SPEG: variants seen among roughly 807,000 people sequenced by gnomAD.
The protein encoded by SPEG is striated muscle preferentially expressed protein kinase.
A neutral mutation model predicts 300.4 loss-of-function variants in SPEG; 114 were observed. That is an observed-to-expected ratio of 0.38 (90% CI 0.33 to 0.44). The LOEUF (loss-of-function observed/expected upper bound fraction) is 0.44. SPEG is among the 20% of genes least tolerant of loss of function. The pLI, the probability that SPEG is intolerant of heterozygous loss-of-function variation, is 1.00. For missense variants in SPEG, 4,201 were observed against 4,586.2 expected (o/e 0.92, Z 2.43); for synonymous variants, 1,964 against 2,018.9 (o/e 0.97, Z 0.73).
At chr2:219,449,894 A>G (rs1689614417) in intron 4 of SPEG, among the ~76,000 whole-genome samples, 1 of 151,788 alleles carries the variant, frequency 6.6e-6, no homozygotes, top group Admixed American at 6.6e-5. Flanking sequence ...TTGTCTCCCA[A>G]CCTTCCCATG....
Position 219,479,052 on chromosome 2 carries a change from G to A in SPEG, c.5028-92G>A. 1.4e-5 allele frequency: 16 copies of A among 1,126,542 alleles called. No individual in the cohort carries two copies. Among genetic ancestry groups the A allele is most frequent in the Non-Finnish European group, 2.1e-5 (16 of 753,816 alleles). The allele number at this position is 1,126,542 out of a possible 1,614,324, so 69.8% of individuals were successfully genotyped here. On this transcript the variant is annotated intron_variant, in intron 22 of 40. Coordinates refer to ENST00000312358, the MANE Select transcript of SPEG (RefSeq NM_005876.5). The surrounding 1 kb of genome is among the most constrained non-coding windows in gnomAD (Gnocchi z 5.5). ...GTATCAAGCATTCTGTAAGGGGAAG[G>A]AGAACCCCGTGCTGAGCTGGGACCT...
Position 219,464,718 on chromosome 2 carries a change from T to A in SPEG, c.2881+110T>A. The A allele has an allele frequency of 8.6e-7, 1 of 1,159,856 alleles. No individual in the cohort carries two copies. Among genetic ancestry groups the A allele is most frequent in the Non-Finnish European group, 1.2e-6 (1 of 814,766 alleles). 71.8% of individuals were successfully genotyped at this position (1,159,856 alleles called of 1,614,324 possible). ...GAGGATGCCACCACTGAAAGGGCCTTAAGGGGCCCCTAGTCCAGCTGCTTA... is the reference window on the plus strand; with the variant it reads ...GAGGATGCCACCACTGAAAGGGCCTAAAGGGGCCCCTAGTCCAGCTGCTTA... On this transcript the variant is annotated intron_variant, in intron 9 of 40. Coordinates refer to ENST00000312358, the MANE Select transcript of SPEG (RefSeq NM_005876.5). The surrounding 1 kb of genome is among the most constrained non-coding windows in gnomAD (Gnocchi z 4.5).
At chr2:219,460,609 C>CCCG in intron 6 of SPEG, 1 of 985,458 alleles carries the variant, frequency 1.0e-6, no homozygotes, top group South Asian at 4.7e-5. Context: ...AAAGGCAGAT[C>CCCG]CCGCGGCTTG....
rs566841339 is a variant in SPEG, at chr2:219,489,128, G to A, written c.8224G>A (p.Val2742Met). The change falls in exon 35 of 41, where the codon GTG (valine) becomes ATG (methionine). Residue 2742 changes from valine to methionine, a missense_variant. Coordinates refer to ENST00000312358, the MANE Select transcript of SPEG (RefSeq NM_005876.5). ...CAACGTGACCCACCTGCCAGTTGGC[G>A]TGACTGTGAGGTTCCGTGTGGCCTG... is the stretch of plus-strand genomic sequence containing the variant. ...YYNVTHLPVG[V>M]TVRFRVACAN... The A allele has an allele frequency of 3.1e-5, 50 of 1,613,982 alleles. No homozygotes were observed. Among genetic ancestry groups the A allele is most frequent in the African/African-American group, 6.7e-5 (5 of 74,990 alleles).
intron 13 of SPEG, among the ~76,000 whole-genome samples, chr2:219,469,870 C>T (rs1260718204): frequency 1.3e-5 from 2 of 152,138 alleles, no homozygotes. Flanking sequence ...CAGTGTCTGG[C>T]ATGGAAGGGA....
chr2:219,483,345 G>T lies in SPEG; in HGVS notation c.5882G>T (p.Gly1961Val). ...ATTCCCACTGAGGATGAGGCCCTGG[G>T]GACCCCAGAGACTGGGGCTGCCACC... ...TDIPTEDEAL[G>V]TPETGAATPM... The change falls in exon 30 of 41, where the codon GGG becomes GTG. Residue 1961 changes from glycine (G) to valine (V), a missense_variant. Transcript: ENST00000312358. 1 of 1,605,278 alleles carries T rather than the reference G, an allele frequency of 6.2e-7. No homozygotes were observed.
chr2:219,491,081 A>G (rs1575204523), intron 38 of SPEG, 125 bp downstream of exon 38: 2 of 714,832 alleles, frequency 2.8e-6, no homozygotes, highest in Non-Finnish European at 2.3e-6. Context: ...CAAGCAATGA[A>G]CGAAGTATGT....
At chr2:219,472,391 G>A in intron 15 of SPEG, 60 bp downstream of exon 15, 1 of 1,455,594 alleles carries the variant, frequency 6.9e-7, no homozygotes. Context: ...GCAGGCTCAG[G>A]CAGGACACCA....
chr2:219,457,097 C>T (rs1690250497), intron 6 of SPEG, among the ~76,000 whole-genome samples: 1 of 152,202 alleles, frequency 6.6e-6, no homozygotes, highest in African/African-American at 2.4e-5. Context: ...TGCCCACCTC[C>T]TGGCCAGCCG....
chr2:219,477,468 G>T lies in SPEG; in HGVS notation c.4729+23G>T. On this transcript the variant is annotated intron_variant, in intron 20 of 40. Coordinates refer to ENST00000312358, the MANE Select transcript of SPEG (RefSeq NM_005876.5). This position sits in a 1 kb window ranked among gnomAD's most constrained non-coding sequence, Gnocchi z 6.4. ...CAGGTAGGCAGGAGTTCCGGAGAAA[G>T]GTAAAGCGCACACCCCCTGGAATCT... The T allele has an allele frequency of 6.4e-7, 1 of 1,551,534 alleles. No homozygotes were observed. Among genetic ancestry groups the T allele is most frequent in the South Asian group, 1.2e-5 (1 of 83,242 alleles).
intron 31 of SPEG, 143 bp from the exon 32 acceptor site, chr2:219,488,051 T>C (rs1244072687): frequency 9.4e-6 from 6 of 636,748 alleles, no homozygotes; most frequent in Non-Finnish European, 1.4e-5. Flanking sequence ...TGGCGTGGGG[T>C]TCCACTTTCC....
chr2:219,490,458 A>C lies in SPEG; in HGVS notation c.8971A>C (p.Thr2991Pro). 6.2e-7 allele frequency: 1 copy of C among 1,613,106 alleles called. No individual in the cohort carries two copies. Residue 2991 changes from threonine (T) to proline (P), a missense_variant, in exon 37 of 41, where the codon ACG (threonine) becomes CCG (proline). Thr to Pro is a conservative substitution (Grantham distance 38, BLOSUM62 -1). Transcript: ENST00000312358. ...GTGCCGGGAGAATGCCACGGGGCGA[A>C]CGTTCGTGGCCAAGATCGTGCCCTA... Reference protein sequence around the residue: ...RACRENATGRTFVAKIVPYAA... With the variant: ...RACRENATGRPFVAKIVPYAA...
rs557290651 is a variant in SPEG at position 219,453,177 on chromosome 2, G to C, written c.2440+1370G>C. Among the ~76,000 whole-genome samples, 8 of 152,342 alleles carry C rather than the reference G, an allele frequency of 5.3e-5. No individual in the cohort carries two copies. The East Asian group carries it at 1.5e-3, about 29-fold the overall frequency. Reference sequence around the variant, plus strand: ...TACCTGGCTTGGGCTGAAATTTGGCGAGGGGTGGGATGGGGGTGCCCCGAT... The same window carrying C: ...TACCTGGCTTGGGCTGAAATTTGGCCAGGGGTGGGATGGGGGTGCCCCGAT... On this transcript the variant is annotated intron_variant, in intron 6 of 40. Transcript: ENST00000312358.
At chr2:219,456,028 G>C (rs1334507793) in intron 6 of SPEG, among the ~76,000 whole-genome samples, 1 of 152,200 alleles carries the variant, frequency 6.6e-6, no homozygotes, top group Non-Finnish European at 1.5e-5. Flanking sequence ...AGCTGGTCAT[G>C]GTTTTCTTGG....
rs758287829 is a variant in SPEG at position 219,489,775 on chromosome 2, G to A, written c.8757G>A (p.Glu2919=). 7 of 1,613,482 alleles carry A rather than the reference G, an allele frequency of 4.3e-6. No homozygotes were observed. In the Admixed American group the frequency reaches 8.3e-5, roughly 19 times the overall value. ...CAGCCCCTGAGCCCCCAGCCCCTGAGCCCCCTCCTGAGCCTACCAAGGTGA... is the reference window on the plus strand; with the variant it reads ...CAGCCCCTGAGCCCCCAGCCCCTGAACCCCCTCCTGAGCCTACCAAGGTGA... ...APPAPEPPAP[E]PPPEPTKVTV... Residue 2919 remains glutamate (E), a synonymous_variant, in exon 36 of 41, where the codon GAG becomes GAA. Transcript: ENST00000312358.
rs1559381625 is a variant in SPEG, at chr2:219,459,982, A to C, written c.2441-1900A>C. Reference sequence around the variant, plus strand: ...GAGAAGGACATGTGACCCCTGCTCAACAGCCCCCTTCTCTCAGGTTCTGTG... The same window carrying C: ...GAGAAGGACATGTGACCCCTGCTCACCAGCCCCCTTCTCTCAGGTTCTGTG... On this transcript the variant is annotated intron_variant, in intron 6 of 40. Transcript: ENST00000312358. The surrounding 1 kb of genome is among the most constrained non-coding windows in gnomAD (Gnocchi z 4.9). Among the ~76,000 whole-genome samples the C allele has an allele frequency of 6.6e-6, 1 of 152,196 alleles. No homozygotes were observed. Among genetic ancestry groups the C allele is most frequent in the South Asian group, 2.1e-4 (1 of 4,834 alleles).
chr2:219,435,700 G>A lies in SPEG; in HGVS notation c.388+335G>A, dbSNP rs149867817. 8.9e-4 allele frequency among the ~76,000 whole-genome samples: 135 copies of A among 151,504 alleles called. 1 individual carries two copies. Among genetic ancestry groups the A allele is most frequent in the South Asian group, 2.3e-3 (11 of 4,812 alleles). ...AGAAAAGCCTCCTGGGGGAAAGGGT[G>A]TCCTTCAGTTCCATGATTTAAACTT... On this transcript the variant is annotated intron_variant, in intron 1 of 40. Coordinates refer to ENST00000312358, the MANE Select transcript of SPEG (RefSeq NM_005876.5).
At chr2:219,491,022 C>T in intron 38 of SPEG, 66 bp downstream of exon 38, 1 of 1,225,938 alleles carries the variant, frequency 8.2e-7, no homozygotes, top group Non-Finnish European at 1.2e-6. Context: ...AGCCAGGGCT[C>T]ACCCCACTTC....
At position 219,489,361 on chromosome 2, in the gene SPEG, C is replaced by G. The variant is rs1371603418; in HGVS notation, c.8343C>G (p.Ala2781=). The G allele has an allele frequency of 5.0e-6, 8 of 1,613,496 alleles. No individual in the cohort carries two copies. The African/African-American group carries it at 9.4e-5, about 19-fold the overall frequency. Residue 2781 remains alanine, a synonymous_variant, in exon 36 of 41, where the codon GCC becomes GCG. Coordinates refer to ENST00000312358, the MANE Select transcript of SPEG (RefSeq NM_005876.5). ...TQDSSAVPSA[A]HQEAPVTSRP... The stretch of plus-strand genomic sequence containing the variant: ...ATTCTTCAGCTGTGCCATCTGCTGC[C>G]CACCAAGAGGCCCCTGTCACCTCAA...
Sources: allele counts gnomAD v4.1 joint callset (sites outside exome capture counted in the v4.1 genomes callset), GRCh38; gene constraint gnomAD v4.1.1; non-coding constraint Gnocchi (gnomAD v3.1); transcripts MANE v1.5; gene names NCBI Gene and HGNC (gene_info 2026-07-23, HGNC 2026-07-21).